PTPRG: variants seen among roughly 807,000 people sequenced by gnomAD.
PTPRG encodes receptor-type tyrosine-protein phosphatase gamma.
PTPRG carries 102 observed loss-of-function variants against 165.3 expected under a neutral mutation model. The ratio of observed to expected loss-of-function variants is 0.62; its 90% CI spans 0.53 to 0.73. The LOEUF (loss-of-function observed/expected upper bound fraction) is 0.73, where lower values mean the gene tolerates loss of function less well. Ranked by LOEUF, PTPRG falls within the 30% of genes least tolerant of loss-of-function variation. The pLI is 0.00. For missense variants in PTPRG, 1,866 were observed against 1,861.4 expected (o/e 1.00, Z -0.05); for synonymous variants, 675 against 669.5 (o/e 1.01, Z -0.13).
At chr3:61,754,882 T>G (rs1044018461) in intron 2 of PTPRG, among the ~76,000 whole-genome samples, 2 of 152,190 alleles carry the variant, frequency 1.3e-5, no homozygotes. Context: ...AAATTTAATG[T>G]TAATATTGTT....
chr3:62,193,190 C>A (rs948029276), intron 9 of PTPRG, among the ~76,000 whole-genome samples: 1 of 152,134 alleles, frequency 6.6e-6, no homozygotes, highest in Admixed American at 6.5e-5. Context: ...ACCATCTAGG[C>A]GCTTATGCAG....
chr3:62,191,072 C>CATCTGTGTCCCGTGCATGTGT (rs1457689012), intron 8 of PTPRG, among the ~76,000 whole-genome samples: 1 of 152,128 alleles, frequency 6.6e-6, no homozygotes, highest in East Asian at 1.9e-4. Flanking sequence ...TGCGCATGTG[C>CATCTGTGTCCCGTGCATGTGT]ATCTGTGTCC....
chr3:61,817,673 G>C (rs150373767), intron 2 of PTPRG, among the ~76,000 whole-genome samples: 4 of 152,314 alleles, frequency 2.6e-5, no homozygotes, highest in Admixed American at 6.5e-5. Flanking sequence ...AGAGGGAAGA[G>C]ACAGAGGACC....
chr3:61,709,721 G>A (rs1186797672), intron 1 of PTPRG, among the ~76,000 whole-genome samples: 1 of 152,120 alleles, frequency 6.6e-6, no homozygotes, highest in Non-Finnish European at 1.5e-5. Context: ...ATTTTGCAAT[G>A]CCTCCTCTTG....
At chr3:62,090,395 G>A (rs1161197023) in intron 5 of PTPRG, among the ~76,000 whole-genome samples, 1 of 152,042 alleles carries the variant, frequency 6.6e-6, no homozygotes, top group East Asian at 1.9e-4. Flanking sequence ...AGAAATGCAA[G>A]CAGCTAGCTA....
At chr3:61,742,403 A>ATTT (rs34010935) in intron 1 of PTPRG, 32,135 of 728,088 alleles carry the variant, frequency 0.044, 591 homozygotes, top group Non-Finnish European at 0.05. Flanking sequence ...TGGGTCTGGA[A>ATTT]TTTTTTTTTT....
chr3:61,929,021 A>G (rs1178402213), intron 2 of PTPRG, among the ~76,000 whole-genome samples: 3 of 152,180 alleles, frequency 2.0e-5, no homozygotes, highest in East Asian at 1.9e-4. Flanking sequence ...ACATCCTACA[A>G]TGCACAAGGA....
intron 2 of PTPRG, among the ~76,000 whole-genome samples, chr3:61,835,559 C>A (rs1266363524): frequency 6.6e-6 from 1 of 151,970 alleles, no homozygotes; most frequent in East Asian, 2.0e-4. Flanking sequence ...GGCTCGAACT[C>A]TTGACCTTGT....
At chr3:62,148,792 CTAAAA>C (rs1296495713) in intron 6 of PTPRG, among the ~76,000 whole-genome samples, 5 of 149,806 alleles carry the variant, frequency 3.3e-5, no homozygotes, top group Non-Finnish European at 7.4e-5. Context: ...AAATAAATAG[CTAAAA>C]TAGTTGCCTA....
At chr3:61,917,154 C>T (rs1339951640) in intron 2 of PTPRG, among the ~76,000 whole-genome samples, 4 of 152,104 alleles carry the variant, frequency 2.6e-5, no homozygotes, top group African/African-American at 9.7e-5. Context: ...CAATATGAAT[C>T]TGTACGGTGG....
intron 26 of PTPRG, among the ~76,000 whole-genome samples, chr3:62,277,938 T>C (rs892956660): frequency 1.3e-5 from 2 of 152,082 alleles, no homozygotes; most frequent in African/African-American, 4.8e-5. Flanking sequence ...GTAGAAGGTT[T>C]TGAAAATGTT....
chr3:61,682,149 CA>C lies in PTPRG; in HGVS notation c.86-66711del, dbSNP rs35398190. Among the ~76,000 whole-genome samples the C allele has an allele frequency of 6.2e-5, 6 of 96,778 alleles. No homozygotes were observed. The East Asian group carries it at 1.2e-3, about 19-fold the overall frequency. 63.5% of individuals were successfully genotyped at this position (96,778 alleles called of 152,430 possible). A position where few individuals can be genotyped will look rare whatever the true frequency, so the allele number is the denominator to read the frequency against. ...GGGCCACAGAGCAAGACTCCTGTCTCAAAAAAAAAAAAAAAAAAGTGAACTG... is the reference window on the plus strand; with the variant it reads ...GGGCCACAGAGCAAGACTCCTGTCTCAAAAAAAAAAAAAAAAAGTGAACTG... On this transcript the variant is annotated intron_variant, in intron 1 of 29. Coordinates refer to ENST00000474889, the MANE Select transcript of PTPRG (RefSeq NM_002841.4).
rs1231066987 is a variant in PTPRG, at chr3:62,215,131, C to T, written c.2156-3720C>T. Reference sequence around the variant, plus strand: ...GATGCTGGGTTGGGGATGGAAGGCTCTGCTCCTGAAGAGCCTTGCTTTCCC... The same window carrying T: ...GATGCTGGGTTGGGGATGGAAGGCTTTGCTCCTGAAGAGCCTTGCTTTCCC... On this transcript the variant is annotated intron_variant, in intron 12 of 29. Coordinates refer to ENST00000474889, the MANE Select transcript of PTPRG (RefSeq NM_002841.4). Among the ~76,000 whole-genome samples, 6 of 152,316 alleles carry T rather than the reference C, an allele frequency of 3.9e-5. 1 individual carries two copies. In the South Asian group the frequency reaches 6.2e-4, roughly 16 times the overall value.
In PTPRG at chr3:62,147,671, A is replaced by T. The variant is rs926204691; in HGVS notation, c.683-9396A>T. On this transcript the variant is annotated intron_variant, in intron 6 of 29. Coordinates refer to ENST00000474889, the MANE Select transcript of PTPRG (RefSeq NM_002841.4). ...CTTGTTTGTTATTTAAAATATACCA[A>T]TAGCTACTGTGCTTGTTTGTTTCTT... Among the ~76,000 whole-genome samples, 9 of 152,292 alleles carry T rather than the reference A, an allele frequency of 5.9e-5. No individual in the cohort carries two copies. In the South Asian group the frequency reaches 1.7e-3, roughly 28 times the overall value.
intron 2 of PTPRG, among the ~76,000 whole-genome samples, chr3:61,761,367 A>G (rs950297670): frequency 6.6e-6 from 1 of 152,206 alleles, no homozygotes; most frequent in African/African-American, 2.4e-5. Flanking sequence ...ACTTGAAGTC[A>G]GGAGTTCAAA....
At chr3:61,670,654 T>C (rs1702948982) in intron 1 of PTPRG, among the ~76,000 whole-genome samples, 1 of 152,178 alleles carries the variant, frequency 6.6e-6, no homozygotes, top group Admixed American at 6.5e-5. Flanking sequence ...GGGGACCAGC[T>C]ATGGGAGGCA....
At chr3:62,068,015 G>T (rs745422610) in intron 4 of PTPRG, among the ~76,000 whole-genome samples, 3 of 152,150 alleles carry the variant, frequency 2.0e-5, no homozygotes, top group Non-Finnish European at 4.4e-5. Context: ...TGAGGATGTT[G>T]TGTGGTAGAA....
intron 2 of PTPRG, among the ~76,000 whole-genome samples, chr3:61,976,042 C>T (rs749911326): frequency 2.6e-5 from 4 of 152,122 alleles, no homozygotes; most frequent in Non-Finnish European, 5.9e-5. Context: ...CAAGGGAGGT[C>T]CCTTGTTACC....
chr3:62,038,871 G>A (rs1700034522), intron 4 of PTPRG, among the ~76,000 whole-genome samples: 1 of 152,120 alleles, frequency 6.6e-6, no homozygotes, highest in South Asian at 2.1e-4. Context: ...GATCATGGTA[G>A]TCTGTTGTAT....
Sources: gnomAD v4.1 joint callset for allele counts (sites outside exome capture counted in the v4.1 genomes callset) on GRCh38, gnomAD v4.1.1 for gene constraint, MANE v1.5 for transcripts, NCBI Gene and HGNC (gene_info 2026-07-23, HGNC 2026-07-21) for gene names.